The following TACR1 variants were observed in gnomAD, a reference collection of about 807,000 sequenced individuals.
TACR1 encodes the protein tachykinin receptor 1.
A neutral mutation model predicts 35.8 loss-of-function variants in TACR1; 25 were observed. The observed-to-expected ratio is 0.70, with a 90% CI of 0.51 to 0.98. The LOEUF is 0.98. Ranked by LOEUF, TACR1 falls within the 50% of genes least tolerant of loss-of-function variation. The pLI is 0.00. For synonymous variants in TACR1, 195 were observed against 206.7 expected (o/e 0.94, Z 0.48); for missense variants, 478 against 522.9 (o/e 0.91, Z 0.84).
In TACR1 at chr2:75,072,954, GCTAAA is replaced by G. The variant is rs1228442841; in HGVS notation, c.585-19204_585-19200del. 5.5e-5 allele frequency among the ~76,000 whole-genome samples: 8 copies of G among 144,852 alleles called. No individual in the cohort carries two copies. The South Asian group carries it at 9.1e-4, about 16-fold the overall frequency. ...TAAAAACATTAAAAAACTAAGCTGA[GCTAAA>G]CTAAACTAAACTAGACTAAACAACT... On this transcript the variant is annotated intron_variant, in intron 2 of 4. Transcript: ENST00000305249.
chr2:75,052,995 T>C (rs1184950233), intron 3 of TACR1, among the ~76,000 whole-genome samples: 1 of 152,232 alleles, frequency 6.6e-6, no homozygotes, highest in East Asian at 1.9e-4. Flanking sequence ...ACCAGGACAC[T>C]GACCATTCAT....
chr2:75,054,815 A>G (rs964756874), intron 2 of TACR1, among the ~76,000 whole-genome samples: 1 of 152,166 alleles, frequency 6.6e-6, no homozygotes, highest in African/African-American at 2.4e-5. Flanking sequence ...TCACTGTGCT[A>G]ATAATAATGC....
intron 2 of TACR1, among the ~76,000 whole-genome samples, chr2:75,096,289 C>T: frequency 6.6e-6 from 1 of 152,188 alleles, no homozygotes; most frequent in East Asian, 1.9e-4. Context: ...GAAGTGGAAG[C>T]AGGGCCCCTC....
In TACR1 at chr2:75,099,336, C is replaced by A. The variant is rs78321384; in HGVS notation, c.584+21238G>T. Reference sequence around the variant, plus strand: ...GCATGACTTTTTAAAACATCCTGTCCATAAATACCATGTCCATCCTCCCAA... The same window carrying A: ...GCATGACTTTTTAAAACATCCTGTCAATAAATACCATGTCCATCCTCCCAA... On this transcript the variant is annotated intron_variant, in intron 2 of 4. Coordinates refer to ENST00000305249, the MANE Select transcript of TACR1 (RefSeq NM_001058.4). Among the ~76,000 whole-genome samples the A allele has an allele frequency of 5.2e-3, 792 of 152,290 alleles. 7 individuals are homozygous for A. The highest frequency in any genetic ancestry group is 0.018 in the African/African-American group (734 of 41,558).
intron 1 of TACR1, among the ~76,000 whole-genome samples, chr2:75,193,653 C>CT (rs545976971): frequency 1.5e-4 from 22 of 149,014 alleles, no homozygotes; most frequent in African/African-American, 2.2e-4. Context: ...AAGGTCATTT[C>CT]TTTTTTTTTT....
At chr2:75,156,995 G>A (rs995873001) in intron 1 of TACR1, among the ~76,000 whole-genome samples, 1 of 152,156 alleles carries the variant, frequency 6.6e-6, no homozygotes, top group African/African-American at 2.4e-5. Flanking sequence ...GATGGAGATG[G>A]GAGTCGGGGC....
intron 2 of TACR1, among the ~76,000 whole-genome samples, chr2:75,099,015 C>A (rs1482741904): frequency 1.3e-5 from 2 of 152,060 alleles, no homozygotes; most frequent in Non-Finnish European, 2.9e-5. Flanking sequence ...GACCACTTCC[C>A]CTTGTGTCCT....
At chr2:75,179,756 G>A (rs996394011) in intron 1 of TACR1, among the ~76,000 whole-genome samples, 2 of 152,170 alleles carry the variant, frequency 1.3e-5, no homozygotes, top group African/African-American at 2.4e-5. Flanking sequence ...CTCAGGTTGA[G>A]ATGGCTGAGC....
rs749136258 is a variant in TACR1 at position 75,049,527 on chromosome 2, G to T, written c.1129C>A (p.Pro377Thr). Residue 377 changes from proline (P) to threonine (T), a missense_variant, in exon 5 of 5, where the codon CCC (proline) becomes ACC (threonine). Transcript: ENST00000305249. ...EEPEDGPKAT[P>T]SSLDLTSNCS... ...TTGGAGGTCAGGTCCAGGGACGAGG[G>T]TGTGGCCTTGGGGCCGTCCTCTGGC... is the stretch of plus-strand genomic sequence containing the variant. The T allele has an allele frequency of 1.4e-5, 23 of 1,614,046 alleles. No individual in the cohort carries two copies. The highest frequency in any genetic ancestry group is 6.7e-5 in the Admixed American group (4 of 60,018).
rs948247868 is a variant in TACR1 at position 75,095,362 on chromosome 2, A to G, written c.584+25212T>C. On this transcript the variant is annotated intron_variant, in intron 2 of 4. Coordinates refer to ENST00000305249, the MANE Select transcript of TACR1 (RefSeq NM_001058.4). ...AATCAGCCAGAGATGCTAGCATTGT[A>G]TACTGCTCTCTTTCCACAGCCTCCA... Among the ~76,000 whole-genome samples, 17 of 152,284 alleles carry G rather than the reference A, an allele frequency of 1.1e-4. No individual in the cohort carries two copies. The South Asian group carries it at 1.5e-3, about 13-fold the overall frequency.
intron 1 of TACR1, among the ~76,000 whole-genome samples, chr2:75,159,639 A>G (rs1674951504): frequency 2.0e-5 from 3 of 152,224 alleles, no homozygotes; most frequent in Non-Finnish European, 4.4e-5. Context: ...CAGCAGAGAA[A>G]GGAAAGCTAG....
rs1276559471 is a variant in TACR1, at chr2:75,047,898, A to G, written c.*1534T>C. The G allele has an allele frequency of 6.6e-5, 10 of 152,228 alleles. No homozygotes were observed. The highest frequency in any genetic ancestry group is 6.5e-4 in the Admixed American group (10 of 15,288). The allele number at this position is 152,228 out of a possible 1,614,324, so 9.4% of individuals were successfully genotyped here. ...ATGTGCATCCATTATGCAAACTACCAGGAGGACATTCATGGATGTTACATG... is the reference window on the plus strand; with the variant it reads ...ATGTGCATCCATTATGCAAACTACCGGGAGGACATTCATGGATGTTACATG... On this transcript the variant is annotated 3_prime_UTR_variant, in exon 5 of 5. Coordinates refer to ENST00000305249, the MANE Select transcript of TACR1 (RefSeq NM_001058.4).
intron 1 of TACR1, among the ~76,000 whole-genome samples, chr2:75,133,646 A>G (rs1265687501): frequency 6.6e-6 from 1 of 152,156 alleles, no homozygotes; most frequent in Non-Finnish European, 1.5e-5. Context: ...GCTTTTTATC[A>G]AGGCACTATC....
intron 1 of TACR1, among the ~76,000 whole-genome samples, chr2:75,135,882 C>A (rs1329624388): frequency 6.6e-6 from 1 of 152,166 alleles, no homozygotes; most frequent in Non-Finnish European, 1.5e-5. Flanking sequence ...GAGCCTGATT[C>A]ACCCTCTCCC....
At chr2:75,099,197 C>T (rs915031251) in intron 2 of TACR1, among the ~76,000 whole-genome samples, 15 of 152,216 alleles carry the variant, frequency 9.9e-5, no homozygotes, top group African/African-American at 3.1e-4. Context: ...ACTTCATCCT[C>T]CTTGAGGAGG....
At chr2:75,092,154 C>T (rs775886162) in intron 2 of TACR1, among the ~76,000 whole-genome samples, 15 of 152,130 alleles carry the variant, frequency 9.9e-5, no homozygotes, top group East Asian at 1.9e-4. Flanking sequence ...TGTAGGGTGA[C>T]GTAAGAGAGG....
intron 2 of TACR1, among the ~76,000 whole-genome samples, chr2:75,084,442 A>C (rs1444684358): frequency 5.3e-5 from 8 of 152,244 alleles, no homozygotes; most frequent in Non-Finnish European, 8.8e-5. Flanking sequence ...TTGGCCTCAT[A>C]AAATGAGTTA....
At chr2:75,132,029 A>G (rs1031552414) in intron 1 of TACR1, among the ~76,000 whole-genome samples, 2 of 152,212 alleles carry the variant, frequency 1.3e-5, no homozygotes, top group Non-Finnish European at 2.9e-5. Context: ...GACAAACTGC[A>G]TGAAATAAAA....
intron 1 of TACR1, among the ~76,000 whole-genome samples, chr2:75,138,197 A>G (rs1375264977): frequency 6.6e-6 from 1 of 152,216 alleles, no homozygotes; most frequent in East Asian, 1.9e-4. Context: ...TGAAAGGGGT[A>G]TGTGAGTGTT....
Sources: allele counts gnomAD v4.1 joint callset (sites outside exome capture counted in the v4.1 genomes callset), GRCh38; gene constraint gnomAD v4.1.1; transcripts MANE v1.5; gene names NCBI Gene and HGNC (gene_info 2026-07-23, HGNC 2026-07-21).